NT5DC1: variants seen among roughly 807,000 people sequenced by gnomAD.
NT5DC1 encodes 5'-nucleotidase domain-containing protein 1.
Under a neutral mutation model 59.4 loss-of-function variants are expected in NT5DC1, and 42 were observed. The ratio of observed to expected loss-of-function variants is 0.71; its 90% CI spans 0.55 to 0.92. The LOEUF is 0.92. NT5DC1 is among the 40% of genes least tolerant of loss of function. NT5DC1 has a pLI of 0.00. For missense variants in NT5DC1, 501 were observed against 537.1 expected (o/e 0.93, Z 0.66); for synonymous variants, 172 against 188.1 (o/e 0.91, Z 0.70).
chr6:116,115,234 A>ATTTGTC (rs2308231), intron 4 of NT5DC1, among the ~76,000 whole-genome samples: 99,948 of 151,386 alleles, frequency 0.66, 35,207 homozygotes, highest in African/African-American at 0.92. Flanking sequence ...TTATACTGAA[A>ATTTGTC]TTAAATGGCA....
At chr6:116,194,996 G>T (rs1217690669) in intron 6 of NT5DC1, among the ~76,000 whole-genome samples, 2 of 152,002 alleles carry the variant, frequency 1.3e-5, no homozygotes, top group East Asian at 3.9e-4. Flanking sequence ...CAAACCTAAA[G>T]TTACCTCACC....
Position 116,106,348 on chromosome 6 carries a change from T to C in NT5DC1, c.185+13T>C, listed in dbSNP as rs1172747543. On this transcript the variant is annotated intron_variant, in intron 2 of 11. Coordinates refer to ENST00000319550, the MANE Select transcript of NT5DC1 (RefSeq NM_152729.3). ...ATTGGGATTTCTGGTAAGTTCTTTT[T>C]TTTTTTTTTTTTTTAAGTCTGTACA... The C allele has an allele frequency of 3.6e-6, 4 of 1,123,556 alleles. No individual in the cohort carries two copies. The highest frequency in any genetic ancestry group is 2.4e-5 in the East Asian group (1 of 41,584). The allele number at this position is 1,123,556 out of a possible 1,614,324, so 69.6% of individuals were successfully genotyped here. A position where few individuals can be genotyped will look rare whatever the true frequency, so the allele number is the denominator to read the frequency against.
At chr6:116,187,196 G>A (rs1781019449) in intron 6 of NT5DC1, among the ~76,000 whole-genome samples, 1 of 152,090 alleles carries the variant, frequency 6.6e-6, no homozygotes, top group Non-Finnish European at 1.5e-5. Flanking sequence ...TGTCTGCACA[G>A]AGTCCTGTGA....
chr6:116,151,261 T>C (rs1469212738), intron 6 of NT5DC1, among the ~76,000 whole-genome samples: 1 of 152,212 alleles, frequency 6.6e-6, no homozygotes, highest in Non-Finnish European at 1.5e-5. Flanking sequence ...GATCAGAATA[T>C]GTGGGCCTGT....
At chr6:116,169,394 T>TA (rs1156287494) in intron 6 of NT5DC1, among the ~76,000 whole-genome samples, 26 of 152,238 alleles carry the variant, frequency 1.7e-4, no homozygotes, top group Non-Finnish European at 3.1e-4. Context: ...TTATGACTGT[T>TA]ACAATATTTT....
rs59165804 is a variant in NT5DC1 at position 116,147,000 on chromosome 6, AAT to A, written c.529+29068_529+29069del. ...TTTATATATGTATAAAATAATATAA[AAT>A]ATATATATATATTTTTAATCATGTA... On this transcript the variant is annotated intron_variant, in intron 6 of 11. Transcript: ENST00000319550. 2.7e-3 allele frequency among the ~76,000 whole-genome samples: 393 copies of A among 146,692 alleles called. 10 individuals carry two copies. In the South Asian group the frequency reaches 0.043, roughly 16 times the overall value.
At chr6:116,234,369 C>G (rs1782076939) in intron 8 of NT5DC1, among the ~76,000 whole-genome samples, 1 of 152,078 alleles carries the variant, frequency 6.6e-6, no homozygotes, top group African/African-American at 2.4e-5. Context: ...TAGACAGGGT[C>G]TACTTCTGTC....
At chr6:116,243,795 TA>T (rs1771783666) in intron 11 of NT5DC1, 113 bp from the exon 12 acceptor site, 1 of 541,026 alleles carries the variant, frequency 1.8e-6, no homozygotes, top group African/African-American at 1.9e-5. Context: ...GCAAAAGAAA[TA>T]TTAAAATTTT....
chr6:116,183,210 T>G (rs998343401), intron 6 of NT5DC1, among the ~76,000 whole-genome samples: 4 of 152,174 alleles, frequency 2.6e-5, no homozygotes, highest in Non-Finnish European at 5.9e-5. Context: ...TTCTGGGTTC[T>G]CTATTCTGTT....
At chr6:116,171,614 C>CA (rs1216880911) in intron 6 of NT5DC1, among the ~76,000 whole-genome samples, 1 of 152,164 alleles carries the variant, frequency 6.6e-6, no homozygotes, top group African/African-American at 2.4e-5. Flanking sequence ...AGCAGGAAGA[C>CA]AGTGTATTCT....
rs545174634 is a variant in NT5DC1, at chr6:116,105,293, G to T, written c.94-951G>T. ...AGCGAACTGCTGCATCTAAGTATCA[G>T]TGTAAACCTCACTACCCAGGAGAGA... On this transcript the variant is annotated intron_variant, in intron 1 of 11. Coordinates refer to ENST00000319550, the MANE Select transcript of NT5DC1 (RefSeq NM_152729.3). 1.3e-4 allele frequency among the ~76,000 whole-genome samples: 20 copies of T among 152,254 alleles called. No homozygotes were observed. In the South Asian group the frequency reaches 3.7e-3, roughly 28 times the overall value.
intron 6 of NT5DC1, among the ~76,000 whole-genome samples, chr6:116,168,147 G>C (rs1582848776): frequency 1.4e-5 from 2 of 145,014 alleles, no homozygotes; most frequent in South Asian, 4.4e-4. Flanking sequence ...TAACACCATT[G>C]GTTTGTTTTG....
Position 116,117,972 on chromosome 6 carries a change from A to G in NT5DC1, c.529+27A>G, listed in dbSNP as rs76339924. 1.1e-4 allele frequency: 119 copies of G among 1,099,038 alleles called. 1 individual carries two copies. The African/African-American group carries it at 1.4e-3, about 13-fold the overall frequency. 68.1% of individuals were successfully genotyped at this position (1,099,038 alleles called of 1,614,324 possible). ...TAAGTATTGTGAAGAGGGGCCTTCT[A>G]ATACGTGTTTGTTAAGCTATGTTTG... On this transcript the variant is annotated intron_variant, in intron 6 of 11. Coordinates refer to ENST00000319550, the MANE Select transcript of NT5DC1 (RefSeq NM_152729.3).
chr6:116,101,153 C>A, intron 1 of NT5DC1, 130 bp downstream of exon 1: 2 of 632,712 alleles, frequency 3.2e-6, no homozygotes, highest in Non-Finnish European at 5.2e-6. Flanking sequence ...CCGCAGAGCG[C>A]GGCCTCCAGC....
chr6:116,149,472 T>G (rs1358842173), intron 6 of NT5DC1, among the ~76,000 whole-genome samples: 6 of 152,180 alleles, frequency 3.9e-5, no homozygotes, highest in Non-Finnish European at 7.4e-5. Flanking sequence ...ACTAACCTAT[T>G]CAAAGGCTAC....
rs559805473 is a variant in NT5DC1, at chr6:116,221,090, A to C, written c.566A>C (p.Asp189Ala). 1.3e-6 allele frequency: 2 copies of C among 1,556,758 alleles called. No individual in the cohort carries two copies. The highest frequency in any genetic ancestry group is 4.5e-5 in the East Asian group (2 of 44,576). Residue 189 changes from aspartate (D) to alanine (A), a missense_variant, in exon 7 of 12, where the codon GAT becomes GCT. Physicochemically the swap from Asp to Ala is moderately radical, Grantham distance 126. Transcript: ENST00000319550. ...ATATATTTTCCAGAAATAAAAAGAG[A>C]TCCAGGCAGATATTTACATAGTTGT... ...CGIYFPEIKR[D>A]PGRYLHSCPE... is the part of the protein sequence containing the mutation.
intron 6 of NT5DC1, among the ~76,000 whole-genome samples, chr6:116,206,317 C>G (rs1271871962): frequency 6.6e-6 from 1 of 151,938 alleles, no homozygotes; most frequent in Admixed American, 6.6e-5. Flanking sequence ...CTAAATGTTT[C>G]ACATATATCA....
chr6:116,117,210 GT>G (rs1217879426), intron 5 of NT5DC1, among the ~76,000 whole-genome samples: 2 of 152,086 alleles, frequency 1.3e-5, no homozygotes, highest in Non-Finnish European at 2.9e-5. Context: ...TGAATTTGCT[GT>G]GTTTAAAAAT....
At chr6:116,210,561 A>C (rs1384139529) in intron 6 of NT5DC1, among the ~76,000 whole-genome samples, 1 of 151,910 alleles carries the variant, frequency 6.6e-6, no homozygotes, top group Non-Finnish European at 1.5e-5. Context: ...CAGTTGCAAA[A>C]CGGGAATCAT....
Sources: gnomAD v4.1 joint callset for allele counts (sites outside exome capture counted in the v4.1 genomes callset) on GRCh38, gnomAD v4.1.1 for gene constraint, MANE v1.5 for transcripts, NCBI Gene and HGNC (gene_info 2026-07-23, HGNC 2026-07-21) for gene names.